TBC1D28: variants seen among roughly 807,000 people sequenced by gnomAD.
TBC1D28 encodes TBC1 domain family, member 28.
Under a neutral mutation model 29.2 loss-of-function variants are expected in TBC1D28, and 20 were observed. The ratio of observed to expected loss-of-function variants is 0.68; its 90% CI spans 0.48 to 0.99. TBC1D28 has a LOEUF of 0.99. Among genes scored for constraint, TBC1D28 ranks in the 50% least tolerant of loss-of-function variants. TBC1D28 has a pLI of 0.00. For synonymous variants in TBC1D28, 65 were observed against 90.9 expected (o/e 0.71, Z 1.62); for missense variants, 205 against 243.7 (o/e 0.84, Z 1.06).
chr17:18,636,558 T>G lies in TBC1D28; in HGVS notation c.537A>C (p.Ala179=), dbSNP rs779504959. The change falls in exon 9 of 9, where the codon GCA becomes GCC. Residue 179 remains alanine (A), a synonymous_variant. Transcript: ENST00000345096. Reference sequence around the variant, plus strand: ...GCCCGGGAATACTCACAGGGTTATATGCAGAATAGGCCACGAGGATGTCAC... The same window carrying G: ...GCCCGGGAATACTCACAGGGTTATAGGCAGAATAGGCCACGAGGATGTCAC... 15 of 1,613,922 alleles carry G rather than the reference T, an allele frequency of 9.3e-6. No homozygotes were observed. In the Admixed American group the frequency reaches 2.5e-4, roughly 27 times the overall value.
intron 7 of TBC1D28, 97 bp from the exon 9 acceptor site, chr17:18,638,070 G>A (rs1218743494): frequency 1.3e-6 from 2 of 1,558,920 alleles, no homozygotes; most frequent in Non-Finnish European, 1.8e-6. Context: ...CTTCTGGAAG[G>A]AAGGAAGGAA....
At position 18,638,240 on chromosome 17, in the gene TBC1D28, C is replaced by T; in HGVS notation, c.387+73G>A. 3 of 1,550,188 alleles carry T rather than the reference C, an allele frequency of 1.9e-6. No homozygotes were observed. In the South Asian group the frequency reaches 3.5e-5, roughly 18 times the overall value. On this transcript the variant is annotated intron_variant, in intron 7 of 8. Coordinates refer to ENST00000345096, the Ensembl canonical transcript of TBC1D28. ...CCCAACCCAGGCTCAACGTTCCCTC[C>T]AGCTGGAGTCCTGGGATCCTGATAC... is the stretch of plus-strand genomic sequence containing the variant.
chr17:18,640,144 C>G lies in TBC1D28; in HGVS notation c.158+878G>C, dbSNP rs541060072. Among the ~76,000 whole-genome samples the G allele has an allele frequency of 2.3e-4, 35 of 152,330 alleles. No homozygotes were observed. In the East Asian group the frequency reaches 6.8e-3, roughly 30 times the overall value. On this transcript the variant is annotated intron_variant, in intron 4 of 8. Transcript: ENST00000345096. ...TGACTTGGCCCCTCCATCCACCCTG[C>G]GCAGTGCTGACTGAGCCAGCGGGAA... is the stretch of plus-strand genomic sequence containing the variant.
rs527348973 is a variant in TBC1D28, at chr17:18,637,624, T to C, written c.497+240A>G. ...TTTCACCATCTGCATGACTCTTTTTTTTTCTGCCTTCCGTCTCCTTGGGAG... is the reference window on the plus strand; with the variant it reads ...TTTCACCATCTGCATGACTCTTTTTCTTTCTGCCTTCCGTCTCCTTGGGAG... On this transcript the variant is annotated intron_variant, in intron 8 of 8. Transcript: ENST00000345096. 6.8e-3 allele frequency among the ~76,000 whole-genome samples: 1,027 copies of C among 151,386 alleles called. 5 individuals carry two copies. The highest frequency in any genetic ancestry group is 0.011 in the Non-Finnish European group (740 of 67,838).
rs1233469114 is a variant in TBC1D28 at position 18,641,276 on chromosome 17, A to G, written c.75+2T>C. ...CCCTTGAGGGAGCGGCCCAACTTGT[A>G]CCTGCTCATACTTAGTAATGATGAT... On this transcript the variant is annotated splice_donor_variant, in intron 3 of 8. Coordinates refer to ENST00000345096, the Ensembl canonical transcript of TBC1D28. LOFTEE classifies it high-confidence loss of function. 1 of 1,612,354 alleles carries G rather than the reference A, an allele frequency of 6.2e-7. No homozygotes were observed. Among genetic ancestry groups the G allele is most frequent in the Admixed American group, 1.7e-5 (1 of 59,854 alleles).
intron 8 of TBC1D28, 146 bp downstream of exon 9, chr17:18,637,718 T>G (rs2031565527): frequency 7.5e-7 from 1 of 1,332,204 alleles, no homozygotes; most frequent in African/African-American, 1.5e-5. Context: ...GCTCAGTCCA[T>G]GGTGCCGGCT....
At chr17:18,636,624 GT>G (rs1555615596) in intron 8 of TBC1D28, 27 bp from the exon 10 acceptor site, 1 of 1,599,010 alleles carries the variant, frequency 6.3e-7, no homozygotes, top group Admixed American at 1.7e-5. Flanking sequence ...AGAGGGTTTT[GT>G]TTTTTTTGTG....
chr17:18,643,687 C>T (rs2151725342), upstream of TBC1D28, among the ~76,000 whole-genome samples: 1 of 151,968 alleles, frequency 6.6e-6, no homozygotes, highest in African/African-American at 2.4e-5. Flanking sequence ...CCCCACTGTC[C>T]AAGTCCTCCC....
upstream of TBC1D28, among the ~76,000 whole-genome samples, chr17:18,643,822 C>T (rs997180718): frequency 9.2e-5 from 14 of 152,246 alleles, no homozygotes; most frequent in African/African-American, 2.7e-4. Context: ...CCTCAGTGAC[C>T]GCACGTGAAG....
chr17:18,636,397 C>T, exon 9 of TBC1D28: 2 of 1,589,846 alleles, frequency 1.3e-6, no homozygotes, highest in Non-Finnish European at 1.7e-6. Flanking sequence ...TGGGCTTCAA[C>T]CCTTTTCTGC....
rs757094365 is a variant in TBC1D28, at chr17:18,636,608, G to A, written c.498-11C>T. 5 of 1,604,454 alleles carry A rather than the reference G, an allele frequency of 3.1e-6. No individual in the cohort carries two copies. The African/African-American group carries it at 4.0e-5, about 13-fold the overall frequency. The stretch of plus-strand genomic sequence containing the variant: ...CATAATTCCTGCTGCCTAGAAAAGA[G>A]GGGAAAGAGGGTTTTGTTTTTTTTG... On this transcript the variant is annotated splice_polypyrimidine_tract_variant and intron_variant, in intron 8 of 8. Coordinates refer to ENST00000345096, the Ensembl canonical transcript of TBC1D28.
chr17:18,638,732 A>G, intron 5 of TBC1D28, 31 bp from the exon 7 acceptor site: 2 of 1,613,960 alleles, frequency 1.2e-6, no homozygotes, highest in Non-Finnish European at 1.7e-6. Flanking sequence ...GAGTTAGCGG[A>G]GCTGTCAGTC....
At chr17:18,641,514 C>T in intron 2 of TBC1D28, 118 bp downstream of exon 3, 1 of 778,834 alleles carries the variant, frequency 1.3e-6, no homozygotes. Context: ...CCACCCCTGA[C>T]TGGATCTCTG....
At chr17:18,635,897 C>G (rs936260021) in exon 9 of TBC1D28, 116 of 989,412 alleles carry the variant, frequency 1.2e-4, no homozygotes, top group Non-Finnish European at 2.2e-5. Flanking sequence ...GATGGTTGCT[C>G]CCTTGAAGTC....
chr17:18,641,104 C>T, exon 4 of TBC1D28: 1 of 708,192 alleles, frequency 1.4e-6, no homozygotes. Context: ...GCTCGGTGTC[C>T]CTGAAACCCA....
exon 9 of TBC1D28, chr17:18,636,422 A>T (rs1013329900): frequency 1.2e-6 from 2 of 1,605,586 alleles, no homozygotes; most frequent in Admixed American, 1.7e-5. Flanking sequence ...AGCGAGCTGA[A>T]GTCCTGCCTA....
chr17:18,636,112 C>G (rs1452466440), exon 9 of TBC1D28: 35 of 1,051,624 alleles, frequency 3.3e-5, no homozygotes, highest in Non-Finnish European at 3.8e-5. Flanking sequence ...GGTGACCCCC[C>G]TCCCTATCTG....
upstream of TBC1D28, chr17:18,643,052 G>A (rs901740195): frequency 7.2e-5 from 11 of 152,266 alleles, no homozygotes; most frequent in Admixed American, 6.5e-4. Context: ...GCCAGGGCTG[G>A]CTGTCCCACT....
intron 2 of TBC1D28, 87 bp downstream of exon 3, chr17:18,641,545 T>C (rs1325503553): frequency 2.0e-5 from 13 of 644,124 alleles, no homozygotes; most frequent in Non-Finnish European, 1.9e-5. Flanking sequence ...CTCCAACCAG[T>C]GGTGGGCTCC....
Sources: gnomAD v4.1 joint callset for allele counts (sites outside exome capture counted in the v4.1 genomes callset) on GRCh38, gnomAD v4.1.1 for gene constraint, MANE v1.5 for transcripts, NCBI Gene and HGNC (gene_info 2026-07-23, HGNC 2026-07-21) for gene names.